Variants in MYT1L observed in about 807,000 individuals in gnomAD.
The protein encoded by MYT1L is myelin transcription factor 1 like, also known as myelin transcription factor 1-like protein.
In MYT1L, 12 loss-of-function variants were observed where a neutral mutation model predicts 126.7. The ratio of observed to expected loss-of-function variants is 0.09; its 90% confidence interval spans 0.06 to 0.15. MYT1L has a LOEUF of 0.15. MYT1L is among the 10% of genes least tolerant of loss of function. MYT1L has a pLI of 1.00. For synonymous variants in MYT1L, 541 were observed against 604.2 expected (o/e 0.90, Z 1.53); for missense variants, 979 against 1,585.2 (o/e 0.62, Z 6.49).
intron 2 of MYT1L, among the ~76,000 whole-genome samples, chr2:2,245,901 G>A (rs1004379720): frequency 8.5e-5 from 13 of 152,304 alleles, no homozygotes; most frequent in South Asian, 2.1e-4. Flanking sequence ...TGAAGCACAC[G>A]GGTGGCCTCT....
chr2:2,182,983 C>T (rs1255672822), intron 2 of MYT1L, among the ~76,000 whole-genome samples: 1 of 152,134 alleles, frequency 6.6e-6, no homozygotes, highest in East Asian at 1.9e-4. Flanking sequence ...CAGAGGTGAG[C>T]GGACTCTGCC....
intron 2 of MYT1L, among the ~76,000 whole-genome samples, chr2:2,222,366 C>A (rs1012991208): frequency 6.6e-6 from 1 of 151,820 alleles, no homozygotes; most frequent in East Asian, 1.9e-4. Context: ...GTGGAGGGCA[C>A]CCGTGATCCC....
chr2:2,301,956 C>A (rs2095793292), intron 1 of MYT1L, among the ~76,000 whole-genome samples: 1 of 151,886 alleles, frequency 6.6e-6, no homozygotes, highest in African/African-American at 2.4e-5. Flanking sequence ...ATGTGTCAGG[C>A]ACTAAGTTAG....
intron 2 of MYT1L, among the ~76,000 whole-genome samples, chr2:2,231,961 A>T (rs192747258): frequency 6.6e-6 from 1 of 152,348 alleles, no homozygotes; most frequent in African/African-American, 2.4e-5. Flanking sequence ...TCTCAGAGAG[A>T]TGCACAAGTT....
At chr2:1,909,915 C>CA (rs1215670239) in intron 13 of MYT1L, among the ~76,000 whole-genome samples, 1 of 152,226 alleles carries the variant, frequency 6.6e-6, no homozygotes, top group African/African-American at 2.4e-5. Context: ...TTGGACATCT[C>CA]AGTAATTTTC....
At chr2:2,083,918 T>C (rs1268179071) in intron 3 of MYT1L, among the ~76,000 whole-genome samples, 1 of 148,222 alleles carries the variant, frequency 6.7e-6, no homozygotes, top group Non-Finnish European at 1.5e-5. Flanking sequence ...CTCATTTTAG[T>C]GTAGACCGAG....
At chr2:1,913,034 C>T (rs951385761) in intron 11 of MYT1L, among the ~76,000 whole-genome samples, 2 of 152,214 alleles carry the variant, frequency 1.3e-5, no homozygotes, top group Non-Finnish European at 2.9e-5. Context: ...CTTTCCCTGA[C>T]AGCAAGGTTT....
At chr2:1,855,114 A>T (rs1396431274) in intron 18 of MYT1L, among the ~76,000 whole-genome samples, 1 of 152,194 alleles carries the variant, frequency 6.6e-6, no homozygotes, top group East Asian at 1.9e-4. Flanking sequence ...GGCTCTTTAA[A>T]AACTCATAGA....
intron 2 of MYT1L, among the ~76,000 whole-genome samples, chr2:2,263,440 C>T (rs994721356): frequency 1.3e-4 from 20 of 152,110 alleles, no homozygotes; most frequent in African/African-American, 4.8e-4. Flanking sequence ...TCAATAAATG[C>T]CTGAACCGTG....
At chr2:2,066,237 G>T (rs35824269) in intron 3 of MYT1L, among the ~76,000 whole-genome samples, 9,733 of 152,216 alleles carry the variant, frequency 0.064, 573 homozygotes, top group Admixed American at 0.2. Context: ...ACAGAGGAAC[G>T]GTAATGATAA....
intron 3 of MYT1L, among the ~76,000 whole-genome samples, chr2:2,116,082 G>A (rs980449252): frequency 2.0e-5 from 3 of 152,212 alleles, no homozygotes; most frequent in South Asian, 2.1e-4. Context: ...CCTGATTCCC[G>A]AATGACCATG....
chr2:2,265,695 G>A (rs2095109994), intron 2 of MYT1L, among the ~76,000 whole-genome samples: 1 of 152,146 alleles, frequency 6.6e-6, no homozygotes, highest in Non-Finnish European at 1.5e-5. Context: ...ACATTTCCTT[G>A]TCTATAAAAT....
chr2:2,222,698 T>A (rs1471778251), intron 2 of MYT1L, among the ~76,000 whole-genome samples: 3 of 152,086 alleles, frequency 2.0e-5, no homozygotes, highest in Non-Finnish European at 4.4e-5. Context: ...ACACACAGAC[T>A]CAAAACTTTA....
At position 2,262,932 on chromosome 2, in the gene MYT1L, A is replaced by ATATATATAT. The variant is rs1553610292; in HGVS notation, c.-421+21471_-421+21472insATATATATA. Reference sequence around the variant, plus strand: ...GAGGCACAAATATATATATATATATAACCTGTGATATATATATATATATCA... The same window carrying ATATATATAT: ...GAGGCACAAATATATATATATATATATATATATATACCTGTGATATATATATATATATCA... On this transcript the variant is annotated intron_variant, in intron 2 of 24. Transcript: ENST00000647738. Among the ~76,000 whole-genome samples, 93 of 41,178 alleles carry ATATATATAT rather than the reference A, an allele frequency of 2.3e-3. 13 individuals carry two copies. The highest frequency in any genetic ancestry group is 8.1e-3 in the African/African-American group (76 of 9,404). The allele number at this position is 41,178 out of a possible 152,430, so 27.0% of individuals were successfully genotyped here. A position where few individuals can be genotyped will look rare whatever the true frequency, so the allele number is the denominator to read the frequency against.
intron 4 of MYT1L, among the ~76,000 whole-genome samples, chr2:2,015,494 G>C (rs985308909): frequency 1.1e-4 from 17 of 152,186 alleles, no homozygotes; most frequent in Non-Finnish European, 2.5e-4. Flanking sequence ...CTGTGAAACA[G>C]GATCCTAAAA....
At chr2:1,995,414 C>T (rs914978685) in intron 5 of MYT1L, among the ~76,000 whole-genome samples, 10 of 152,098 alleles carry the variant, frequency 6.6e-5, no homozygotes, top group African/African-American at 1.9e-4. Flanking sequence ...TATCACACTG[C>T]CCTCCCTTCA....
chr2:2,260,901 G>A (rs573527211), intron 2 of MYT1L, among the ~76,000 whole-genome samples: 11 of 152,230 alleles, frequency 7.2e-5, no homozygotes, highest in South Asian at 6.2e-4. Flanking sequence ...AATGTCTTCC[G>A]GGACAATGCT....
intron 14 of MYT1L, among the ~76,000 whole-genome samples, chr2:1,900,082 CA>C (rs2050134803): frequency 6.6e-6 from 1 of 152,230 alleles, no homozygotes; most frequent in South Asian, 2.1e-4. Context: ...TCCCTTACGA[CA>C]GGCCCATTTC....
chr2:2,107,141 G>A (rs919182992), intron 3 of MYT1L, among the ~76,000 whole-genome samples: 1 of 152,166 alleles, frequency 6.6e-6, no homozygotes, highest in Non-Finnish European at 1.5e-5. Context: ...GCAGTCAGTG[G>A]TGGCAAAAAA....
Sources: gnomAD v4.1 joint callset for allele counts (sites outside exome capture counted in the v4.1 genomes callset) on GRCh38, gnomAD v4.1.1 for gene constraint, MANE v1.5 for transcripts, NCBI Gene and HGNC (gene_info 2026-07-23, HGNC 2026-07-21) for gene names.